Variants in ENOX1 observed in about 807,000 individuals in gnomAD.
ENOX1 encodes the protein ecto-NOX disulfide-thiol exchanger 1.
A neutral mutation model predicts 82.5 loss-of-function variants in ENOX1; 42 were observed. The ratio of observed to expected loss-of-function variants is 0.51; its 90% confidence interval spans 0.40 to 0.66. ENOX1 has a LOEUF of 0.66. Ranked by LOEUF, ENOX1 falls within the 30% of genes least tolerant of loss-of-function variation. The pLI, the probability that ENOX1 is intolerant of heterozygous loss-of-function variation, is 0.00. For synonymous variants in ENOX1, 271 were observed against 282.2 expected (o/e 0.96, Z 0.40); for missense variants, 608 against 811.6 (o/e 0.75, Z 3.05).
At chr13:43,504,742 G>C (rs1249528972) in intron 2 of ENOX1, among the ~76,000 whole-genome samples, 2 of 151,584 alleles carry the variant, frequency 1.3e-5, no homozygotes, top group Admixed American at 6.6e-5. Flanking sequence ...CTACTGTACA[G>C]TAGAGTGCCT....
chr13:43,359,725 T>C, intron 7 of ENOX1, 126 bp downstream of exon 7: 1 of 870,596 alleles, frequency 1.1e-6, no homozygotes, highest in Non-Finnish European at 1.8e-6. Context: ...GAAGGCAGAA[T>C]TCCTCCTTTT....
rs554301300 is a variant in ENOX1 at position 43,559,546 on chromosome 13, C to T, written c.-218-75394G>A. Among the ~76,000 whole-genome samples, 17 of 152,276 alleles carry T rather than the reference C, an allele frequency of 1.1e-4. No homozygotes were observed. In the South Asian group the frequency reaches 3.3e-3, roughly 30 times the overall value. ...ATTAGATGACTTCTGAAAAGAAATA[C>T]TTATTTAAATATGCTTATTTTATTG... On this transcript the variant is annotated intron_variant, in intron 2 of 16. Transcript: ENST00000690772.
chr13:43,417,798 T>C (rs1275550076), intron 3 of ENOX1, among the ~76,000 whole-genome samples: 1 of 152,224 alleles, frequency 6.6e-6, no homozygotes, highest in African/African-American at 2.4e-5. Context: ...AATTATGTAA[T>C]TAATTCTAAA....
chr13:43,550,885 A>T (rs1049437817), intron 2 of ENOX1, among the ~76,000 whole-genome samples: 1 of 152,216 alleles, frequency 6.6e-6, no homozygotes, highest in African/African-American at 2.4e-5. Context: ...TCAGCAGTTT[A>T]CGTTATTAAG....
chr13:43,403,863 A>T (rs1393356162), intron 5 of ENOX1, among the ~76,000 whole-genome samples: 2 of 152,076 alleles, frequency 1.3e-5, no homozygotes, highest in African/African-American at 4.8e-5. Flanking sequence ...AATAAATAAA[A>T]AGAAAGAAAA....
intron 3 of ENOX1, among the ~76,000 whole-genome samples, chr13:43,438,924 A>C (rs545604637): frequency 1.3e-5 from 2 of 152,156 alleles, no homozygotes; most frequent in South Asian, 4.1e-4. Context: ...AGTTAAAAGG[A>C]GGAAGGGAAG....
rs543274598 is a variant in ENOX1, at chr13:43,286,082, C to T, written c.1446+12264G>A. ...AGTCTGGCTGGGAGCAGGACACCTG[C>T]TATAGACAGCCAACCATGTTGCTGG... On this transcript the variant is annotated intron_variant, in intron 12 of 16. Coordinates refer to ENST00000690772, the MANE Select transcript of ENOX1 (RefSeq NM_001347969.2). Among the ~76,000 whole-genome samples, 6 of 152,236 alleles carry T rather than the reference C, an allele frequency of 3.9e-5. No individual in the cohort carries two copies. In the South Asian group the frequency reaches 1.2e-3, roughly 32 times the overall value.
At chr13:43,646,763 A>G (rs779594272) in intron 2 of ENOX1, among the ~76,000 whole-genome samples, 2 of 152,152 alleles carry the variant, frequency 1.3e-5, no homozygotes, top group African/African-American at 4.8e-5. Context: ...GTCTTGGGGC[A>G]CTGAGGTGAT....
chr13:43,756,517 G>A (rs1950649566), intron 1 of ENOX1, among the ~76,000 whole-genome samples: 1 of 139,276 alleles, frequency 7.2e-6, no homozygotes, highest in African/African-American at 2.7e-5. Flanking sequence ...GAAAGGAGAG[G>A]GGAGGGAAAG....
At chr13:43,598,348 GC>G (rs1221070221) in intron 2 of ENOX1, among the ~76,000 whole-genome samples, 2 of 152,162 alleles carry the variant, frequency 1.3e-5, no homozygotes, top group African/African-American at 4.8e-5. Context: ...TTAGTGCTTG[GC>G]ACATCATAGG....
At chr13:43,427,599 T>TTTATGCAACATATCTTTA (rs1566193209) in intron 3 of ENOX1, among the ~76,000 whole-genome samples, 2 of 152,332 alleles carry the variant, frequency 1.3e-5, no homozygotes, top group South Asian at 2.1e-4. Context: ...GGTAGATTTA[T>TTTATGCAACATATCTTTA]TTATGCAACA....
At chr13:43,719,953 A>T (rs1365773725) in intron 1 of ENOX1, among the ~76,000 whole-genome samples, 2 of 152,196 alleles carry the variant, frequency 1.3e-5, no homozygotes. Flanking sequence ...TAAAGAAAAT[A>T]ACCTACAGCA....
At chr13:43,555,094 G>A (rs186076864) in intron 2 of ENOX1, among the ~76,000 whole-genome samples, 17 of 136,916 alleles carry the variant, frequency 1.2e-4, no homozygotes, top group African/African-American at 4.7e-4. Flanking sequence ...CTTTCTATTG[G>A]TATCCCAAAA....
intron 1 of ENOX1, among the ~76,000 whole-genome samples, chr13:43,779,882 C>G (rs987437554): frequency 1.3e-5 from 2 of 152,086 alleles, no homozygotes; most frequent in African/African-American, 2.4e-5. Context: ...TGAGGCCGGG[C>G]GTGGTGGCTC....
intron 14 of ENOX1, among the ~76,000 whole-genome samples, chr13:43,247,806 A>AGTGCTCT (rs1427592019): frequency 4.2e-5 from 5 of 118,518 alleles, no homozygotes; most frequent in African/African-American, 1.2e-4. Flanking sequence ...TACCTGGCAC[A>AGTGCTCT]GTGCTCTGTA....
intron 1 of ENOX1, among the ~76,000 whole-genome samples, chr13:43,699,278 A>G (rs1471667756): frequency 6.6e-6 from 1 of 152,210 alleles, no homozygotes; most frequent in Non-Finnish European, 1.5e-5. Flanking sequence ...TCGTTTTTAT[A>G]CACTTCTGGT....
At chr13:43,761,433 G>C (rs1383511460) in intron 1 of ENOX1, among the ~76,000 whole-genome samples, 1 of 152,114 alleles carries the variant, frequency 6.6e-6, no homozygotes, top group Non-Finnish European at 1.5e-5. Context: ...AACTCTCAGA[G>C]CACTTTTTAT....
At chr13:43,335,768 CAAAAA>C (rs386378967) in intron 9 of ENOX1, among the ~76,000 whole-genome samples, 1,457 of 116,906 alleles carry the variant, frequency 0.012, 20 homozygotes, top group African/African-American at 0.046. Flanking sequence ...GGAAGGATAC[CAAAAA>C]AAAAAAAAAA....
chr13:43,227,154 C>A (rs1357465542), intron 15 of ENOX1, among the ~76,000 whole-genome samples: 1 of 152,030 alleles, frequency 6.6e-6, no homozygotes, highest in Non-Finnish European at 1.5e-5. Flanking sequence ...AGGTTGATAA[C>A]CCTTAGCCTA....
Sources: gnomAD v4.1 joint callset for allele counts (sites outside exome capture counted in the v4.1 genomes callset) on GRCh38, gnomAD v4.1.1 for gene constraint, MANE v1.5 for transcripts, NCBI Gene and HGNC (gene_info 2026-07-23, HGNC 2026-07-21) for gene names.